Variants in RGS12 observed in about 807,000 individuals in gnomAD.
RGS12 encodes the protein regulator of G-protein signaling 12.
RGS12 carries 66 observed loss-of-function variants against 120.1 expected under a neutral mutation model. The ratio of observed to expected loss-of-function variants is 0.55; its 90% CI spans 0.45 to 0.67. The LOEUF (loss-of-function observed/expected upper bound fraction) is 0.67. Among genes scored for constraint, RGS12 ranks in the 30% least tolerant of loss-of-function variants. RGS12 has a pLI of 0.00. For missense variants in RGS12, 1,859 were observed against 1,957.7 expected, an observed-to-expected ratio of 0.95 and a Z score of 0.95; for synonymous variants, 827 against 804.7, an observed-to-expected ratio of 1.03 and a Z score of -0.47.
At chr4:3,417,164 G>T in intron 8 of RGS12, 72 bp downstream of exon 8, 1 of 1,454,840 alleles carries the variant, frequency 6.9e-7, no homozygotes, top group Non-Finnish European at 9.2e-7. Flanking sequence ...TCTGTGGGGA[G>T]TGAAAAGAGG....
upstream of RGS12, among the ~76,000 whole-genome samples, chr4:3,288,400 C>T (rs1722949007): frequency 6.6e-6 from 1 of 152,154 alleles, no homozygotes; most frequent in African/African-American, 2.4e-5. This position sits in a 1 kb window ranked among gnomAD's most constrained non-coding sequence, Gnocchi z 5.2. Context: ...CCAGCACTCC[C>T]CTCTGGGCCT....
rs368898673 is a variant in RGS12 at position 3,428,849 on chromosome 4, C to T, written c.3565+138C>T. On this transcript the variant is annotated intron_variant, in intron 16 of 17. Transcript: ENST00000336727. ...TGTGGCCTGGAAGACATGTTTCTCC[C>T]GGGGGCAGTCTGTGGGCTGTTGGGA... 92 of 741,834 alleles carry T rather than the reference C, an allele frequency of 1.2e-4. 2 individuals are homozygous for T. Among genetic ancestry groups the T allele is most frequent in the South Asian group, 9.8e-4 (50 of 50,882 alleles). 46.0% of individuals were successfully genotyped at this position (741,834 alleles called of 1,614,324 possible). A position where few individuals can be genotyped will look rare whatever the true frequency, so the allele number is the denominator to read the frequency against.
Position 3,374,723 on chromosome 4 carries a change from T to C in RGS12, c.1999-11693T>C, listed in dbSNP as rs538502493. On this transcript the variant is annotated intron_variant, in intron 3 of 17. Transcript: ENST00000336727. The surrounding 1 kb of genome is among the most constrained non-coding windows in gnomAD (Gnocchi z 6.3). ...GTTTACACTTTCTCACCCCCATTGC[T>C]GCAGCCTGCCCTCGTCCCCATCTCT... 6.6e-6 allele frequency among the ~76,000 whole-genome samples: 1 copy of C among 152,064 alleles called. No homozygotes were observed. The highest frequency in any genetic ancestry group is 2.1e-4 in the South Asian group (1 of 4,814).
Position 3,430,928 on chromosome 4 carries a change from C to A in RGS12, c.4087C>A (p.Gln1363Lys), listed in dbSNP as rs145348972. Residue 1363 changes from glutamine to lysine, a missense_variant, in exon 17 of 18, where the codon CAG (glutamine) becomes AAG (lysine). Gln to Lys is a moderately conservative substitution (Grantham distance 53). Transcript: ENST00000336727. Reference sequence around the variant, plus strand: ...CTTGCTGCCGCCGCCCTCCACCCCCCAGGAAGTGCCAGGACCTTCCAGACC... The same window carrying A: ...CTTGCTGCCGCCGCCCTCCACCCCCAAGGAAGTGCCAGGACCTTCCAGACC... Reference protein sequence around the residue: ...STLLPPPSTPQEVPGPSRPGS... With the variant: ...STLLPPPSTPKEVPGPSRPGS... The A allele has an allele frequency of 4.3e-6, 7 of 1,612,664 alleles. No homozygotes were observed. The East Asian group carries it at 1.1e-4, about 26-fold the overall frequency.
chr4:3,392,969 A>G (rs1719659871), intron 4 of RGS12, among the ~76,000 whole-genome samples: 1 of 152,214 alleles, frequency 6.6e-6, no homozygotes, highest in Admixed American at 6.5e-5. Context: ...GCCTGGGGGC[A>G]GAGTGAGACT....
intron 1 of RGS12, chr4:3,313,029 G>A (rs754922197): frequency 6.6e-6 from 1 of 152,248 alleles, no homozygotes; most frequent in African/African-American, 2.4e-5. Context: ...TCCAGTCTGG[G>A]CAATGGAGTG....
intron 17 of RGS12, chr4:3,432,056 C>T (rs1724359350): frequency 1.0e-5 from 10 of 985,420 alleles, no homozygotes; most frequent in Non-Finnish European, 1.2e-5. Context: ...CGGTGCCACT[C>T]TGCAGCCTCC....
At chr4:3,292,580 TCGGA>T (rs1723086854), upstream of RGS12, among the ~76,000 whole-genome samples, 1 of 152,130 alleles carries the variant, frequency 6.6e-6, no homozygotes, top group African/African-American at 2.4e-5. Context: ...CGGGACTTCC[TCGGA>T]CACCGACGGC....
Position 3,425,472 on chromosome 4 carries a change from G to C in RGS12, c.3243G>C (p.Glu1081Asp). 1 of 1,612,318 alleles carries C rather than the reference G, an allele frequency of 6.2e-7. No homozygotes were observed. The highest frequency in any genetic ancestry group is 8.5e-7 in the Non-Finnish European group (1 of 1,179,706). The change falls in exon 14 of 18, where the codon GAG becomes GAC. Residue 1081 changes from glutamate (E) to aspartate (D), a missense_variant. This residue lies in a region of RGS12 where 517 missense variants were observed against 488.5 expected (regional missense o/e 1.06). Coordinates refer to ENST00000336727, the MANE Select transcript of RGS12 (RefSeq NM_001394154.1). ...LSGLLVRLSGEKEPLDLGAPI... is the reference protein window; with the variant it reads ...LSGLLVRLSGDKEPLDLGAPI... ...GCTGATCTCTGCCCTAGAGTGGAGA[G>C]AAGGAGCCCCTGGACCTTGGCGCCC...
At chr4:3,355,891 T>G (rs2108818220) in intron 3 of RGS12, among the ~76,000 whole-genome samples, 1 of 151,586 alleles carries the variant, frequency 6.6e-6, no homozygotes, top group South Asian at 2.1e-4. Context: ...ACAAGGTTGC[T>G]AGATATATGG....
At chr4:3,337,345 G>T (rs1278186385) in intron 2 of RGS12, among the ~76,000 whole-genome samples, 2 of 152,204 alleles carry the variant, frequency 1.3e-5, no homozygotes, top group Non-Finnish European at 2.9e-5. Flanking sequence ...ATGACCACAT[G>T]GCCCACAGTC....
intron 17 of RGS12, among the ~76,000 whole-genome samples, chr4:3,435,316 C>T (rs1724701752): frequency 6.6e-6 from 1 of 152,152 alleles, no homozygotes; most frequent in African/African-American, 2.4e-5. Flanking sequence ...TGCAGCCCCA[C>T]CTGGCTCCTG....
rs1223689207 is a variant in RGS12 at position 3,379,770 on chromosome 4, A to G, written c.1999-6646A>G. Among the ~76,000 whole-genome samples the G allele has an allele frequency of 3.9e-5, 6 of 152,174 alleles. No individual in the cohort carries two copies. In the South Asian group the frequency reaches 8.3e-4, roughly 21 times the overall value. ...ACTCACTCACTATCACCAGGGGGTA[A>G]CTGCCCCCATGATTCAATTACCTCC... On this transcript the variant is annotated intron_variant, in intron 3 of 17. Coordinates refer to ENST00000336727, the MANE Select transcript of RGS12 (RefSeq NM_001394154.1).
chr4:3,324,133 C>G (rs1029881656), intron 2 of RGS12: 1 of 152,652 alleles, frequency 6.6e-6, no homozygotes, highest in Non-Finnish European at 1.5e-5. Context: ...TTAGAGCTCC[C>G]TTGTCTTCCA....
At chr4:3,292,868 G>C (rs1368579846), upstream of RGS12, among the ~76,000 whole-genome samples, 1 of 151,586 alleles carries the variant, frequency 6.6e-6, no homozygotes, top group African/African-American at 2.4e-5. Context: ...GTCCCGACGC[G>C]AAGGCCCTCG....
chr4:3,288,619 G>T (rs1230112091), upstream of RGS12, among the ~76,000 whole-genome samples: 1 of 152,346 alleles, frequency 6.6e-6, no homozygotes, highest in African/African-American at 2.4e-5. The surrounding 1 kb of genome is among the most constrained non-coding windows in gnomAD (Gnocchi z 5.2). Context: ...AGCCCCCAAA[G>T]TCTGGAGGTT....
intron 2 of RGS12, among the ~76,000 whole-genome samples, chr4:3,340,751 CAGGTG>C (rs1712979365): frequency 7.5e-6 from 1 of 133,682 alleles, no homozygotes; most frequent in Admixed American, 7.7e-5. Flanking sequence ...GAGCAGCAGG[CAGGTG>C]CAGGCAGGTG....
Position 3,428,129 on chromosome 4 carries a change from A to C in RGS12, c.3371A>C (p.Asn1124Thr). Reference protein sequence around the residue: ...DKQKGVPVKQNTAVNSSSRNH... With the variant: ...DKQKGVPVKQTTAVNSSSRNH... The stretch of plus-strand genomic sequence containing the variant: ...CAGAAAGGTGTGCCAGTGAAACAGA[A>C]CACAGCTGTAAATTCCAGCTCCAGA... Residue 1124 changes from asparagine (N) to threonine (T), a missense_variant, in exon 15 of 18, where the codon AAC becomes ACC. Physicochemically the swap from Asn to Thr is moderately conservative, Grantham distance 65. Transcript: ENST00000336727. The C allele has an allele frequency of 6.2e-7, 1 of 1,613,652 alleles. No homozygotes were observed. The highest frequency in any genetic ancestry group is 1.3e-5 in the African/African-American group (1 of 75,058).
chr4:3,296,899 G>A (rs1578665909), intron 1 of RGS12, among the ~76,000 whole-genome samples: 1 of 152,214 alleles, frequency 6.6e-6, no homozygotes, highest in East Asian at 1.9e-4. Context: ...CTTTTTAGGA[G>A]GTGGGGTCGT....
Sources: allele counts gnomAD v4.1 joint callset (sites outside exome capture counted in the v4.1 genomes callset), GRCh38; gene constraint gnomAD v4.1.1; regional missense constraint gnomAD v4.1.1; non-coding constraint Gnocchi (gnomAD v3.1); transcripts MANE v1.5; gene names NCBI Gene and HGNC (gene_info 2026-07-23, HGNC 2026-07-21).